The following SH3PXD2B variants were observed in gnomAD, a reference collection of about 807,000 sequenced individuals.
SH3PXD2B encodes the protein SH3 and PX domains 2B.
In SH3PXD2B, 37 loss-of-function variants were observed where a neutral mutation model predicts 73.1. That is an observed-to-expected ratio of 0.51 (90% CI 0.39 to 0.67). The LOEUF is 0.67. SH3PXD2B is among the 30% of genes least tolerant of loss of function. The probability of loss-of-function intolerance (pLI) is 0.00; values close to 1 mark genes in which losing one functional copy is unlikely to be tolerated. For missense variants in SH3PXD2B, 1,053 were observed against 1,197.8 expected (o/e 0.88, Z 1.78); for synonymous variants, 457 against 480.5 (o/e 0.95, Z 0.64).
intron 1 of SH3PXD2B, among the ~76,000 whole-genome samples, chr5:172,441,378 G>C (rs528942295): frequency 1.4e-3 from 209 of 152,358 alleles, no homozygotes; most frequent in African/African-American, 4.7e-3. Flanking sequence ...GGCCAGCAGG[G>C]CGTTATCACA....
intron 1 of SH3PXD2B, among the ~76,000 whole-genome samples, chr5:172,435,863 G>A (rs760908846): frequency 5.3e-5 from 8 of 152,200 alleles, no homozygotes; most frequent in Non-Finnish European, 1.2e-4. Context: ...AAATGGGGCC[G>A]GGGCTGTTTC....
intron 1 of SH3PXD2B, among the ~76,000 whole-genome samples, chr5:172,449,210 ACTT>A (rs920326921): frequency 5.9e-5 from 9 of 152,178 alleles, no homozygotes; most frequent in African/African-American, 2.2e-4. Context: ...GGTGGCTTGC[ACTT>A]CTTCAGTCGG....
chr5:172,333,520 A>C lies in SH3PXD2B; in HGVS notation c.*4849T>G. On this transcript the variant is annotated 3_prime_UTR_variant, in exon 13 of 13. Coordinates refer to ENST00000311601, the MANE Select transcript of SH3PXD2B (RefSeq NM_001017995.3). Reference sequence around the variant, plus strand: ...CATCTTCATGATGAAGCTTGAAACCAGTCAAGCACTTTTTTTATTTAAAAA... The same window carrying C: ...CATCTTCATGATGAAGCTTGAAACCCGTCAAGCACTTTTTTTATTTAAAAA... 1.7e-6 allele frequency: 2 copies of C among 1,170,062 alleles called. No homozygotes were observed. Among genetic ancestry groups the C allele is most frequent in the Non-Finnish European group, 2.1e-6 (2 of 939,116 alleles). The allele number at this position is 1,170,062 out of a possible 1,614,324, so 72.5% of individuals were successfully genotyped here. A position where few individuals can be genotyped will look rare whatever the true frequency, so the allele number is the denominator to read the frequency against.
chr5:172,403,889 GT>G (rs1474051716), intron 3 of SH3PXD2B, among the ~76,000 whole-genome samples: 1 of 152,230 alleles, frequency 6.6e-6, no homozygotes, highest in Non-Finnish European at 1.5e-5. Context: ...ACTGGACCTT[GT>G]GAAGCAGGGC....
At chr5:172,423,372 T>C (rs950446900) in intron 1 of SH3PXD2B, among the ~76,000 whole-genome samples, 3 of 152,124 alleles carry the variant, frequency 2.0e-5, no homozygotes, top group African/African-American at 7.2e-5. Context: ...CAAAGAAATG[T>C]CATAGAAACA....
chr5:172,418,731 C>CTGGA (rs1163060024), intron 2 of SH3PXD2B, among the ~76,000 whole-genome samples: 1 of 152,132 alleles, frequency 6.6e-6, no homozygotes, highest in Non-Finnish European at 1.5e-5. Flanking sequence ...CCACTCCAGC[C>CTGGA]GTCCATCTGG....
chr5:172,416,410 C>A (rs1758821102), intron 2 of SH3PXD2B, among the ~76,000 whole-genome samples: 2 of 151,938 alleles, frequency 1.3e-5, no homozygotes, highest in Admixed American at 1.3e-4. Flanking sequence ...TTACTGTAAC[C>A]TCTGCCTCCC....
At chr5:172,350,810 CCTCTTACAG>C (rs1016405181) in intron 9 of SH3PXD2B, among the ~76,000 whole-genome samples, 27 of 152,318 alleles carry the variant, frequency 1.8e-4, no homozygotes, top group African/African-American at 6.5e-4. Flanking sequence ...TCTACTTGCC[CCTCTTACAG>C]CACCCACCAT....
At chr5:172,411,218 T>A (rs1758683635) in intron 2 of SH3PXD2B, among the ~76,000 whole-genome samples, 1 of 152,112 alleles carries the variant, frequency 6.6e-6, no homozygotes, top group East Asian at 1.9e-4. Context: ...TTTTTTTTTT[T>A]AAAGAATGCA....
chr5:172,325,607 G>A (rs928408489), intron 12 of SH3PXD2B, among the ~76,000 whole-genome samples: 1 of 152,166 alleles, frequency 6.6e-6, no homozygotes, highest in South Asian at 2.1e-4. Context: ...GGTGAAAGGC[G>A]GAAGGGCAAA....
intron 5 of SH3PXD2B, among the ~76,000 whole-genome samples, chr5:172,376,026 T>G (rs1757813575): frequency 1.4e-5 from 2 of 147,018 alleles, no homozygotes. Flanking sequence ...TTGTCATGTA[T>G]CTTCTTTTTT....
At chr5:172,427,181 GACACATGCT>G (rs1759113677) in intron 1 of SH3PXD2B, among the ~76,000 whole-genome samples, 1 of 152,152 alleles carries the variant, frequency 6.6e-6, no homozygotes, top group South Asian at 2.1e-4. Flanking sequence ...AGAAAATTCC[GACACATGCT>G]ACCCTATGAA....
intron 6 of SH3PXD2B, among the ~76,000 whole-genome samples, chr5:172,366,644 A>T (rs892725861): frequency 2.0e-5 from 3 of 151,468 alleles, no homozygotes; most frequent in South Asian, 2.1e-4. Flanking sequence ...TTATTTATTT[A>T]TTTTTTTGAG....
chr5:172,348,645 TC>T (rs1757057907), intron 10 of SH3PXD2B, among the ~76,000 whole-genome samples: 1 of 51,124 alleles, frequency 2.0e-5, no homozygotes, highest in African/African-American at 7.7e-5. Flanking sequence ...TATGTATCTA[TC>T]TATCTATCCT....
rs79168198 is a variant in SH3PXD2B at position 172,403,215 on chromosome 5, A to G, written c.232+3062T>C. On this transcript the variant is annotated intron_variant, in intron 3 of 12. Coordinates refer to ENST00000311601, the MANE Select transcript of SH3PXD2B (RefSeq NM_001017995.3). Reference sequence around the variant, plus strand: ...CCACTGTGGAGGAAGGCCAGACTGTAATTCCTATTTTTCAGGCAGCATCCT... The same window carrying G: ...CCACTGTGGAGGAAGGCCAGACTGTGATTCCTATTTTTCAGGCAGCATCCT... Among the ~76,000 whole-genome samples, 1,295 of 152,260 alleles carry G rather than the reference A, an allele frequency of 8.5e-3. 18 individuals carry two copies. Among genetic ancestry groups the G allele is most frequent in the African/African-American group, 0.03 (1,237 of 41,554 alleles).
intron 6 of SH3PXD2B, 24 bp downstream of exon 6, chr5:172,373,766 G>A (rs1237518430): frequency 1.9e-6 from 3 of 1,611,184 alleles, no homozygotes; most frequent in Middle Eastern, 1.7e-4. Context: ...TGAACGAAGA[G>A]AAGAAAATAG....
intron 8 of SH3PXD2B, among the ~76,000 whole-genome samples, chr5:172,355,538 A>ATT (rs1311623464): frequency 3.0e-5 from 4 of 133,200 alleles, no homozygotes; most frequent in Admixed American, 1.5e-4. Flanking sequence ...GCATGGATGG[A>ATT]TTTTCTTTTC....
In SH3PXD2B at chr5:172,369,209, A is replaced by AT. The variant is rs963669318; in HGVS notation, c.427+4580dup. 4.5e-5 allele frequency among the ~76,000 whole-genome samples: 6 copies of AT among 133,386 alleles called. No homozygotes were observed. The East Asian group carries it at 8.5e-4, about 19-fold the overall frequency. 87.5% of individuals were successfully genotyped at this position (133,386 alleles called of 152,430 possible). A position where few individuals can be genotyped will look rare whatever the true frequency, so the allele number is the denominator to read the frequency against. On this transcript the variant is annotated intron_variant, in intron 6 of 12. Transcript: ENST00000311601. ...CACGCCTGGTTGAATGTTTTTATGT[A>AT]TTTTTTTTGTTTTGTTTTGTTTTGT... is the stretch of plus-strand genomic sequence containing the variant.
intron 3 of SH3PXD2B, 52 bp from the exon 4 acceptor site, chr5:172,394,691 T>G: frequency 1.9e-6 from 3 of 1,592,580 alleles, no homozygotes; most frequent in Non-Finnish European, 2.6e-6. Flanking sequence ...GGACAAGCTC[T>G]CAGCAACCTG....
Sources: allele counts gnomAD v4.1 joint callset (sites outside exome capture counted in the v4.1 genomes callset), GRCh38; gene constraint gnomAD v4.1.1; transcripts MANE v1.5; gene names NCBI Gene and HGNC (gene_info 2026-07-23, HGNC 2026-07-21).